TAS2R30: variants seen among roughly 807,000 people sequenced by gnomAD.
TAS2R30 encodes taste receptor type 2 member 30.
For synonymous variants in TAS2R30, 141 were observed against 131.6 expected, an observed-to-expected ratio of 1.07 and a Z score of -0.49; for missense variants, 395 against 371.6, an observed-to-expected ratio of 1.06 and a Z score of -0.52.
chr12:11,133,130 C>CAA, exon 1 of TAS2R30: 1 of 888,970 alleles, frequency 1.1e-6, no homozygotes, highest in South Asian at 2.8e-5. Flanking sequence ...TACACACACA[C>CAA]ACACACACAC....
At chr12:11,133,946 G>GT in the TAS2R30 span, 1 of 1,614,134 alleles carries the variant, frequency 6.2e-7, no homozygotes, top group East Asian at 2.2e-5. Context: ...GCTGAGGCTA[G>GT]TAGCAAGCCA....
At chr12:11,133,761 C>A (rs76230102) in exon 1 of TAS2R30, 13 of 1,589,130 alleles carry the variant, frequency 8.2e-6, no homozygotes, top group Non-Finnish European at 1.1e-5. Context: ...TTCCAAGTCA[C>A]GTTTCCTTCA....
chr12:11,134,286 T>C lies in TAS2R30; in HGVS notation c.-42A>G. ...AGAAATTTTTAAAATGCTGGTGTAATATCACTGGTTGTGATTGCTTGAATA... is the reference window on the plus strand; with the variant it reads ...AGAAATTTTTAAAATGCTGGTGTAACATCACTGGTTGTGATTGCTTGAATA... On this transcript the variant is annotated 5_prime_UTR_variant, in exon 1 of 1. The change creates a new upstream start codon in the 5' untranslated region. Transcript: ENST00000539585. 6.5e-7 allele frequency: 1 copy of C among 1,534,802 alleles called. No homozygotes were observed. The highest frequency in any genetic ancestry group is 1.3e-5 in the South Asian group (1 of 79,368).
Position 11,133,668 on chromosome 12 carries a change from T to C in TAS2R30, c.577A>G (p.Ile193Val), listed in dbSNP as rs138949168. The C allele has an allele frequency of 7.4e-4, 1,201 of 1,614,244 alleles. No individual in the cohort carries two copies. The African/African-American group carries it at 0.015, about 20-fold the overall frequency. Reference sequence around the variant, plus strand: ...GAACAGATTAACAGCAGAAAAGATATCAGGGTCAGAGTGAGGGGTACAAAG... The same window carrying C: ...GAACAGATTAACAGCAGAAAAGATACCAGGGTCAGAGTGAGGGGTACAAAG... Residue 193 changes from isoleucine (I) to valine (V), a missense_variant, in exon 1 of 1, where the codon ATA (isoleucine) becomes GTA (valine). By Grantham distance (29) the Ile-to-Val change is conservative. Transcript: ENST00000539585.
exon 1 of TAS2R30, chr12:11,133,730 A>C (rs1253703227): frequency 6.2e-7 from 1 of 1,614,038 alleles, no homozygotes; most frequent in African/African-American, 1.3e-5. Flanking sequence ...TGAATGGTAC[A>C]TTGCACTCCT....
At chr12:11,134,305 T>C in exon 1 of TAS2R30, 5 of 1,219,466 alleles carry the variant, frequency 4.1e-6, no homozygotes, top group Admixed American at 5.6e-5. Context: ...TTGTGATTGC[T>C]TGAATATCCT....
exon 1 of TAS2R30, chr12:11,133,374 G>T: frequency 6.2e-7 from 1 of 1,613,876 alleles, no homozygotes; most frequent in Non-Finnish European, 8.5e-7. Flanking sequence ...AAAACTGAAA[G>T]AAAAATCTGC....
exon 1 of TAS2R30, chr12:11,134,005 T>G: frequency 6.2e-7 from 1 of 1,614,092 alleles, no homozygotes; most frequent in Non-Finnish European, 8.5e-7. Context: ...CAGTAATTCT[T>G]ACTTCTACAC....
exon 1 of TAS2R30, chr12:11,133,854 C>T: frequency 6.2e-7 from 1 of 1,614,116 alleles, no homozygotes; most frequent in South Asian, 1.1e-5. Flanking sequence ...AACAGTATCA[C>T]CAGAACAACA....
At chr12:11,134,025 C>T in exon 1 of TAS2R30, 1 of 1,614,104 alleles carries the variant, frequency 6.2e-7, no homozygotes, top group African/African-American at 1.3e-5. Flanking sequence ...CTATAAAAAG[C>T]TGGATTCAAC....
exon 1 of TAS2R30, chr12:11,133,454 C>T (rs1946435146): frequency 6.2e-7 from 1 of 1,614,014 alleles, no homozygotes; most frequent in Non-Finnish European, 8.5e-7. Context: ...AATAGCTTGG[C>T]AGAACATGAA....
rs754405292 is a variant in TAS2R30, at chr12:11,133,487, C to A, written c.758G>T (p.Gly253Val). The A allele has an allele frequency of 1.9e-6, 3 of 1,610,238 alleles. No individual in the cohort carries two copies. In the African/African-American group the frequency reaches 4.0e-5, roughly 22 times the overall value. Residue 253 changes from glycine to valine, a missense_variant, in exon 1 of 1, where the codon GGG becomes GTG. By Grantham distance (109) the Gly-to-Val change is moderately radical. Transcript: ENST00000539585. Reference sequence around the variant, plus strand: ...GAAGACAGGTTGCTTTTCCAGCCTCCCAAAATTACAAACTGATATGATCAT... The same window carrying A: ...GAAGACAGGTTGCTTTTCCAGCCTCACAAAATTACAAACTGATATGATCAT...
Position 11,133,582 on chromosome 12 carries a change from G to C in TAS2R30, c.663C>G (p.Thr221=), listed in dbSNP as rs768669118. ...TTTGCAAAGCTTTTATGTGGACCTT[G>C]GTGCTGGGATCTTGAGATCCTTTGC... Residue 221 remains threonine, a synonymous_variant, in exon 1 of 1, where the codon ACC becomes ACG. Transcript: ENST00000539585. The C allele has an allele frequency of 1.9e-5, 31 of 1,614,104 alleles. No individual in the cohort carries two copies. The African/African-American group carries it at 2.0e-4, about 10-fold the overall frequency.
chr12:11,133,077 A>T (rs1162871601), exon 1 of TAS2R30: 9 of 592,892 alleles, frequency 1.5e-5, no homozygotes, highest in Non-Finnish European at 2.0e-5. Context: ...TTTGTGAAAA[A>T]ACAATAAAAA....
At chr12:11,133,146 T>C (rs2136368348) in exon 1 of TAS2R30, 138 of 975,836 alleles carry the variant, frequency 1.4e-4, no homozygotes, top group Non-Finnish European at 1.9e-4. Flanking sequence ...CACACACATC[T>C]ATATATATGT....
At chr12:11,133,295 C>T in exon 1 of TAS2R30, 1 of 1,608,740 alleles carries the variant, frequency 6.2e-7, no homozygotes, top group East Asian at 2.2e-5. Context: ...CTAGAAGACA[C>T]ACAATGCCCC....
At chr12:11,133,272 A>G in exon 1 of TAS2R30, 2 of 1,589,046 alleles carry the variant, frequency 1.3e-6, no homozygotes, top group South Asian at 1.2e-5. Flanking sequence ...ATACACCACC[A>G]GTTTGTTTTC....
exon 1 of TAS2R30, chr12:11,133,806 T>G (rs544657388): frequency 6.3e-7 from 1 of 1,591,614 alleles, no homozygotes; most frequent in Middle Eastern, 1.7e-4. Context: ...TCCATGTTTA[T>G]CACAAAAAGA....
chr12:11,133,978 T>C (rs774101236), exon 1 of TAS2R30: 5 of 1,613,990 alleles, frequency 3.1e-6, no homozygotes, highest in Non-Finnish European at 4.2e-6. Flanking sequence ...GGTTGGTTAC[T>C]GCCCAGACAT....
Sources: gnomAD v4.1 joint callset for allele counts on GRCh38, gnomAD v4.1.1 for gene constraint, MANE v1.5 for transcripts, NCBI Gene and HGNC (gene_info 2026-07-23, HGNC 2026-07-21) for gene names.